PPP1R12A: variants seen among roughly 807,000 people sequenced by gnomAD.
PPP1R12A encodes the protein protein phosphatase 1 regulatory subunit 12A.
PPP1R12A carries 19 observed loss-of-function variants against 139.6 expected under a neutral mutation model. The observed-to-expected ratio is 0.14, with a 90% CI of 0.09 to 0.20. PPP1R12A has a LOEUF of 0.20. Among genes scored for constraint, PPP1R12A ranks in the 10% least tolerant of loss-of-function variants. PPP1R12A has a pLI of 1.00. For synonymous variants in PPP1R12A, 427 were observed against 420.6 expected, an observed-to-expected ratio of 1.02 and a Z score of -0.19; for missense variants, 925 against 1,211.5, an observed-to-expected ratio of 0.76 and a Z score of 3.51.
rs1592648638 is a variant in PPP1R12A at position 79,810,099 on chromosome 12, A to G, written c.1240-89T>C. ...TGGAAACAATAAGTTTACAGATAATATATTTAAAATTATGGTTTACAGTTT... is the reference window on the plus strand; with the variant it reads ...TGGAAACAATAAGTTTACAGATAATGTATTTAAAATTATGGTTTACAGTTT... On this transcript the variant is annotated intron_variant, in intron 9 of 24. Coordinates refer to ENST00000450142, the MANE Select transcript of PPP1R12A (RefSeq NM_002480.3). 7 of 1,004,936 alleles carry G rather than the reference A, an allele frequency of 7.0e-6. No homozygotes were observed. In the East Asian group the frequency reaches 7.9e-5, roughly 11 times the overall value. 62.3% of individuals were successfully genotyped at this position (1,004,936 alleles called of 1,614,324 possible).
chr12:79,806,311 C>G lies in PPP1R12A; in HGVS notation c.1678G>C (p.Asp560His). The G allele has an allele frequency of 6.2e-7, 1 of 1,613,704 alleles. No homozygotes were observed. Among genetic ancestry groups the G allele is most frequent in the Non-Finnish European group, 8.5e-7 (1 of 1,179,666 alleles). ...HKSCSFGRRQ[D>H]DLISSSVPST... ...GGAACACTAGAACTAATCAAATCAT[C>G]TTGTCTTCTACCAAAGGAGCAACTA... is the stretch of plus-strand genomic sequence containing the variant. The change falls in exon 13 of 25, where the codon GAT (aspartate) becomes CAT (histidine). Residue 560 changes from aspartate to histidine, a missense_variant. Transcript: ENST00000450142.
At chr12:79,899,366 T>C (rs1885431791) in intron 1 of PPP1R12A, among the ~76,000 whole-genome samples, 1 of 151,738 alleles carries the variant, frequency 6.6e-6, no homozygotes, top group Non-Finnish European at 1.5e-5. Flanking sequence ...ACAGAAAATT[T>C]TCCCATGTCC....
chr12:79,777,631 T>G, intron 24 of PPP1R12A: 2 of 985,160 alleles, frequency 2.0e-6, no homozygotes, highest in Non-Finnish European at 2.4e-6. Context: ...AGAGATTGAA[T>G]TTGCTTTATT....
intron 1 of PPP1R12A, among the ~76,000 whole-genome samples, chr12:79,917,716 A>G (rs1264750814): frequency 6.6e-6 from 1 of 152,114 alleles, no homozygotes; most frequent in East Asian, 1.9e-4. Context: ...AAAAAACATT[A>G]AATCTATTAG....
intron 1 of PPP1R12A, among the ~76,000 whole-genome samples, chr12:79,912,251 T>C (rs988998497): frequency 4.6e-5 from 7 of 152,242 alleles, no homozygotes; most frequent in African/African-American, 1.7e-4. Context: ...TGTTCTTGTA[T>C]AACACTTTAT....
intron 8 of PPP1R12A, chr12:79,819,283 C>A (rs1875797745): frequency 6.6e-6 from 1 of 152,104 alleles, no homozygotes; most frequent in Admixed American, 6.5e-5. Context: ...ATTTTATAAT[C>A]AAGGAAATTC....
At chr12:79,790,386 A>G (rs1871688462) in intron 20 of PPP1R12A, 81 bp downstream of exon 20, 1 of 1,008,106 alleles carries the variant, frequency 9.9e-7, no homozygotes, top group Non-Finnish European at 1.4e-6. Context: ...AACTTACAAA[A>G]TCCATAAATT....
intron 5 of PPP1R12A, 30 bp downstream of exon 5, chr12:79,828,290 A>G: frequency 5.1e-6 from 8 of 1,568,262 alleles, no homozygotes; most frequent in Non-Finnish European, 6.9e-6. Flanking sequence ...TCTAAAAGTT[A>G]AAGTATTAAA....
chr12:79,904,950 AAAT>A (rs1192416774), intron 1 of PPP1R12A, among the ~76,000 whole-genome samples: 1 of 152,234 alleles, frequency 6.6e-6, no homozygotes, highest in Non-Finnish European at 1.5e-5. Flanking sequence ...AGGTAAATTC[AAAT>A]ATAAATACAA....
In PPP1R12A at chr12:79,805,772, T is replaced by A; in HGVS notation, c.1824-4A>T. The A allele has an allele frequency of 6.2e-7, 1 of 1,608,344 alleles. No homozygotes were observed. Among genetic ancestry groups the A allele is most frequent in the South Asian group, 1.1e-5 (1 of 90,396 alleles). On this transcript the variant is annotated splice_region_variant and splice_polypyrimidine_tract_variant and intron_variant, in intron 13 of 24. Transcript: ENST00000450142. ...AGCCCACAAACGATTTGAGGTACTATAGCATCATAAGCAGCAACACAAAAA... is the reference window on the plus strand; with the variant it reads ...AGCCCACAAACGATTTGAGGTACTAAAGCATCATAAGCAGCAACACAAAAA...
At chr12:79,935,162 G>C (rs1192716338), upstream of PPP1R12A, 15 of 1,340,476 alleles carry the variant, frequency 1.1e-5, 1 homozygote, top group African/African-American at 2.3e-4. Flanking sequence ...CCCCCAGCAC[G>C]GCCACCCGTC....
In PPP1R12A at chr12:79,832,350, C is replaced by A; in HGVS notation, c.629G>T (p.Gly210Val). 1 of 1,611,024 alleles carries A rather than the reference C, an allele frequency of 6.2e-7. No individual in the cohort carries two copies. The highest frequency in any genetic ancestry group is 8.5e-7 in the Non-Finnish European group (1 of 1,178,960). The change falls in exon 4 of 25, where the codon GGC becomes GTC. Residue 210 changes from glycine (G) to valine (V), a missense_variant. Physicochemically the swap from Gly to Val is moderately radical, Grantham distance 109. Transcript: ENST00000450142. The stretch of plus-strand genomic sequence containing the variant: ...TACTTACTTTAAAACTTCCGTATAG[C>A]CTTTAGCAGCTGCAACGTGAAGTGC... ...GTALHVAAAK[G>V]YTEVLKLLIQ... is the part of the protein sequence containing the mutation.
chr12:79,868,631 G>A (rs111446705), intron 2 of PPP1R12A, among the ~76,000 whole-genome samples: 56 of 151,974 alleles, frequency 3.7e-4, no homozygotes, highest in African/African-American at 1.3e-3. Flanking sequence ...GGGCCCTGGT[G>A]TCTCTTTTTT....
At chr12:79,878,210 T>TAAAAA (rs35051644) in intron 1 of PPP1R12A, 1 of 144,212 alleles carries the variant, frequency 6.9e-6, no homozygotes, top group African/African-American at 2.5e-5. Flanking sequence ...GTTAAAAAGT[T>TAAAAA]AAAAAAAAAA....
chr12:79,924,245 G>GA (rs891904015), intron 1 of PPP1R12A, among the ~76,000 whole-genome samples: 3 of 152,004 alleles, frequency 2.0e-5, no homozygotes, highest in Non-Finnish European at 4.4e-5. Flanking sequence ...CATTTTAAAA[G>GA]AAAAAATCTT....
chr12:79,861,825 A>G (rs1881361476), intron 2 of PPP1R12A, among the ~76,000 whole-genome samples: 1 of 152,172 alleles, frequency 6.6e-6, no homozygotes, highest in African/African-American at 2.4e-5. Flanking sequence ...CAGGGAAGCT[A>G]GAACTGGGCA....
chr12:79,840,560 G>C (rs534748757), intron 3 of PPP1R12A, among the ~76,000 whole-genome samples: 3 of 152,106 alleles, frequency 2.0e-5, no homozygotes, highest in African/African-American at 4.8e-5. Context: ...TTTCCTACAT[G>C]AACTCATCTA....
At chr12:79,893,735 C>A (rs1161133724) in intron 1 of PPP1R12A, among the ~76,000 whole-genome samples, 1 of 152,116 alleles carries the variant, frequency 6.6e-6, no homozygotes, top group Non-Finnish European at 1.5e-5. Context: ...CTTTTTCCTA[C>A]ATGAAAAATG....
Position 79,796,966 on chromosome 12 carries a change from AT to A in PPP1R12A, c.2293-17del. On this transcript the variant is annotated splice_polypyrimidine_tract_variant and intron_variant, in intron 16 of 24. Transcript: ENST00000450142. Reference sequence around the variant, plus strand: ...GCTGGTAAGTCTGTGAAACATTAAGATCAAAACCCATTTGAAACATTAAACA... The same window carrying A: ...GCTGGTAAGTCTGTGAAACATTAAGACAAAACCCATTTGAAACATTAAACA... 1 of 1,579,654 alleles carries A rather than the reference AT, an allele frequency of 6.3e-7. No homozygotes were observed. The highest frequency in any genetic ancestry group is 8.6e-7 in the Non-Finnish European group (1 of 1,168,124).
Sources: allele counts gnomAD v4.1 joint callset (sites outside exome capture counted in the v4.1 genomes callset), GRCh38; gene constraint gnomAD v4.1.1; transcripts MANE v1.5; gene names NCBI Gene and HGNC (gene_info 2026-07-23, HGNC 2026-07-21).